GLI3: variants seen among roughly 807,000 people sequenced by gnomAD.
The protein encoded by GLI3 is transcription activator GLI3.
A neutral mutation model predicts 100.8 loss-of-function variants in GLI3; 20 were observed. The observed-to-expected ratio is 0.20, with a 90% CI of 0.14 to 0.29. The LOEUF is 0.29. Ranked by LOEUF, GLI3 falls within the 10% of genes least tolerant of loss-of-function variation. GLI3 has a pLI of 1.00. For synonymous variants in GLI3, 938 were observed against 860.5 expected (o/e 1.09, Z -1.58); for missense variants, 2,040 against 2,128.5 (o/e 0.96, Z 0.82).
At chr7:42,152,225 G>T in intron 2 of GLI3, 1 of 172,072 alleles carries the variant, frequency 5.8e-6, no homozygotes, top group Non-Finnish European at 1.2e-5. Context: ...GGAGCTCACA[G>T]TACACGTGTT....
intron 2 of GLI3, among the ~76,000 whole-genome samples, chr7:42,208,941 T>C (rs1788209841): frequency 6.6e-6 from 1 of 152,236 alleles, no homozygotes; most frequent in South Asian, 2.1e-4. Flanking sequence ...TCAACTGCTG[T>C]TGTGGCAGCT....
chr7:42,089,821 A>C (rs1785179698), intron 3 of GLI3, among the ~76,000 whole-genome samples: 1 of 152,234 alleles, frequency 6.6e-6, no homozygotes, highest in African/African-American at 2.4e-5. Context: ...GCCCCAGGTG[A>C]CATAAGTGAA....
Position 41,964,426 on chromosome 7 carries a change from C to T in GLI3, c.4647G>A (p.Ala1549=). 1.9e-6 allele frequency: 3 copies of T among 1,614,032 alleles called. No homozygotes were observed. Among genetic ancestry groups the T allele is most frequent in the Non-Finnish European group, 2.5e-6 (3 of 1,179,888 alleles). Residue 1549 remains alanine, a synonymous_variant, in exon 15 of 15, where the codon GCG becomes GCA. Coordinates refer to ENST00000395925, the MANE Select transcript of GLI3 (RefSeq NM_000168.6). ...TTPRASLPFP[A]LSMSTTNMAI... is the part of the protein sequence containing the mutation. ...CCATGTTGGTGGTGCTCATGGACAGCGCTGGGAATGGGAGGGACGCCCGAG... is the reference window on the plus strand; with the variant it reads ...CCATGTTGGTGGTGCTCATGGACAGTGCTGGGAATGGGAGGGACGCCCGAG...
At chr7:42,011,577 A>G (rs1360743488) in intron 10 of GLI3, among the ~76,000 whole-genome samples, 1 of 152,232 alleles carries the variant, frequency 6.6e-6, no homozygotes, top group Non-Finnish European at 1.5e-5. Context: ...ATTCAGCCAT[A>G]AAAAAGAACA....
intron 3 of GLI3, chr7:42,145,689 AGTCAAC>A: frequency 2.5e-6 from 1 of 398,126 alleles, no homozygotes; most frequent in Non-Finnish European, 4.4e-6. Context: ...TGACTTAGAG[AGTCAAC>A]TTATCACATA....
chr7:42,023,396 G>C, intron 10 of GLI3, 72 bp downstream of exon 10: 1 of 1,494,294 alleles, frequency 6.7e-7, no homozygotes, highest in Non-Finnish European at 9.3e-7. Context: ...TCAGCTCAGG[G>C]TCAGAGAGGC....
intron 3 of GLI3, among the ~76,000 whole-genome samples, chr7:42,105,862 CA>C (rs1785561943): frequency 6.6e-6 from 1 of 152,118 alleles, no homozygotes; most frequent in African/African-American, 2.4e-5. Context: ...TCTGCAGTCA[CA>C]TAAGACTGAT....
At chr7:42,239,110 G>A (rs1788895390), upstream of GLI3, among the ~76,000 whole-genome samples, 1 of 152,220 alleles carries the variant, frequency 6.6e-6, no homozygotes, top group Non-Finnish European at 1.5e-5. Context: ...GAGGTAAGGT[G>A]GGGCTAAAGG....
At chr7:42,182,860 T>C (rs1273066706) in intron 2 of GLI3, among the ~76,000 whole-genome samples, 1 of 151,290 alleles carries the variant, frequency 6.6e-6, no homozygotes, top group East Asian at 2.0e-4. Flanking sequence ...AGTGCGCAGA[T>C]CGTTTGAGGC....
intron 2 of GLI3, among the ~76,000 whole-genome samples, chr7:42,213,194 A>C (rs546619078): frequency 1.8e-4 from 27 of 152,228 alleles, no homozygotes; most frequent in Non-Finnish European, 3.2e-4. Flanking sequence ...TTACATAATG[A>C]AACAAGTAAT....
At chr7:42,225,421 G>T (rs144934762) in intron 1 of GLI3, among the ~76,000 whole-genome samples, 2 of 152,086 alleles carry the variant, frequency 1.3e-5, no homozygotes, top group Non-Finnish European at 2.9e-5. Flanking sequence ...GTGCAATGGC[G>T]TGATCTCAGC....
chr7:42,210,109 G>T (rs1583650203), intron 2 of GLI3, among the ~76,000 whole-genome samples: 1 of 151,658 alleles, frequency 6.6e-6, no homozygotes, highest in South Asian at 2.1e-4. Context: ...AAGGGTTTTG[G>T]GATTGCTGGT....
chr7:42,189,674 G>C (rs1433098976), intron 2 of GLI3, among the ~76,000 whole-genome samples: 6 of 152,170 alleles, frequency 3.9e-5, no homozygotes, highest in Non-Finnish European at 7.3e-5. Flanking sequence ...GGAGGAAACA[G>C]GCTCAAAACA....
chr7:42,145,632 A>AAG, intron 3 of GLI3: 1 of 398,216 alleles, frequency 2.5e-6, no homozygotes, highest in Non-Finnish European at 4.4e-6. Flanking sequence ...GAAAAAAAAA[A>AAG]AAAACAGTCT....
chr7:42,178,766 G>A (rs1787532300), intron 2 of GLI3, among the ~76,000 whole-genome samples: 1 of 152,136 alleles, frequency 6.6e-6, no homozygotes, highest in African/African-American at 2.4e-5. Flanking sequence ...AGCGGCTATG[G>A]GAAAATAAAA....
At chr7:42,138,513 T>C (rs1033420298) in intron 3 of GLI3, among the ~76,000 whole-genome samples, 1 of 152,150 alleles carries the variant, frequency 6.6e-6, no homozygotes, top group Non-Finnish European at 1.5e-5. Context: ...ACAGATTCTC[T>C]AGCAGGGAGC....
intron 3 of GLI3, chr7:42,118,408 T>C (rs1785912607): frequency 2.5e-6 from 1 of 398,202 alleles, no homozygotes; most frequent in South Asian, 1.3e-4. Context: ...AGCTAGAAAG[T>C]GGCAGTGCCA....
intron 10 of GLI3, among the ~76,000 whole-genome samples, chr7:42,001,216 G>T (rs6463085): frequency 7.8e-6 from 1 of 128,192 alleles, no homozygotes; most frequent in Non-Finnish European, 1.5e-5. Context: ...CAGCCTGGGC[G>T]ACAGTGTGAG....
intron 10 of GLI3, 84 bp from the exon 11 acceptor site, chr7:41,978,832 C>T (rs1196086014): frequency 8.2e-7 from 1 of 1,224,938 alleles, no homozygotes; most frequent in African/African-American, 1.5e-5. Flanking sequence ...CAGAAAATAC[C>T]CCAATCTTAA....
Sources: gnomAD v4.1 joint callset for allele counts (sites outside exome capture counted in the v4.1 genomes callset) on GRCh38, gnomAD v4.1.1 for gene constraint, MANE v1.5 for transcripts, NCBI Gene and HGNC (gene_info 2026-07-23, HGNC 2026-07-21) for gene names.